The following MYOM3 variants were observed in gnomAD, a reference collection of about 807,000 sequenced individuals.
The protein encoded by MYOM3 is myomesin-3.
In MYOM3, 155 loss-of-function variants were observed where a neutral mutation model predicts 191.7. The observed-to-expected ratio is 0.81, with a 90% confidence interval of 0.71 to 0.92. The LOEUF (loss-of-function observed/expected upper bound fraction) is 0.92. MYOM3 is among the 40% of genes least tolerant of loss of function. The pLI, the probability that MYOM3 is intolerant of heterozygous loss-of-function variation, is 0.00. For missense variants in MYOM3, 1,889 were observed against 1,890.6 expected (o/e 1.00, Z 0.02); for synonymous variants, 757 against 762.9 (o/e 0.99, Z 0.13).
chr1:24,078,495 T>C (rs552746173), intron 20 of MYOM3, among the ~76,000 whole-genome samples: 160 of 152,312 alleles, frequency 1.1e-3, no homozygotes, highest in South Asian at 5.0e-3. Flanking sequence ...TGTTAGTATC[T>C]TATTCTTTGC....
chr1:24,084,513 G>A lies in MYOM3; in HGVS notation c.1925C>T (p.Thr642Ile). The A allele has an allele frequency of 1.2e-6, 2 of 1,614,184 alleles. No homozygotes were observed. Among genetic ancestry groups the A allele is most frequent in the South Asian group, 1.1e-5 (1 of 91,078 alleles). Reference protein sequence around the residue: ...GYYIYSRKVGTSEWQTVNNKP... With the variant: ...GYYIYSRKVGISEWQTVNNKP... The stretch of plus-strand genomic sequence containing the variant: ...GTTGTTAACTGTTTGCCACTCAGAT[G>A]TCCCCACCTTCCGGGAGTAGATGTA... The change falls in exon 16 of 37, where the codon ACA becomes ATA. Residue 642 changes from threonine to isoleucine, a missense_variant. Physicochemically the swap from Thr to Ile is moderately conservative, Grantham distance 89 (BLOSUM62 -1). Transcript: ENST00000374434.
rs533540445 is a variant in MYOM3, at chr1:24,065,613, G to A, written c.3534+278C>T. Among the ~76,000 whole-genome samples the A allele has an allele frequency of 7.9e-5, 12 of 152,318 alleles. No individual in the cohort carries two copies. In the South Asian group the frequency reaches 2.5e-3, roughly 32 times the overall value. On this transcript the variant is annotated intron_variant, in intron 29 of 36. Coordinates refer to ENST00000374434, the MANE Select transcript of MYOM3 (RefSeq NM_152372.4). ...ACAGTCATTGGCAGGGCCAGTACTGGAGCTAAAGAAAAAAATCAGTAATAC... is the reference window on the plus strand; with the variant it reads ...ACAGTCATTGGCAGGGCCAGTACTGAAGCTAAAGAAAAAAATCAGTAATAC...
rs1380007917 is a variant in MYOM3, at chr1:24,082,171, A to G, written c.2110T>C (p.Tyr704His). Residue 704 changes from tyrosine (Y) to histidine (H), a missense_variant, in exon 18 of 37, where the codon TAT becomes CAT. By Grantham distance (83) the Tyr-to-His change is moderately conservative (BLOSUM62 2). Coordinates refer to ENST00000374434, the MANE Select transcript of MYOM3 (RefSeq NM_152372.4). Reference protein sequence around the residue: ...KQALATPSAPYGFALLNCGKN... With the variant: ...KQALATPSAPHGFALLNCGKN... ...CCGCAGTTCAGGAGGGCAAAGCCAT[A>G]TGGGGCAGACGGGGTAGCTACAGGG... is the stretch of plus-strand genomic sequence containing the variant. The G allele has an allele frequency of 1.2e-6, 2 of 1,611,928 alleles. No homozygotes were observed. The highest frequency in any genetic ancestry group is 1.7e-6 in the Non-Finnish European group (2 of 1,179,044).
chr1:24,099,169 T>G (rs1376379096), intron 6 of MYOM3, among the ~76,000 whole-genome samples: 1 of 152,144 alleles, frequency 6.6e-6, no homozygotes, highest in African/African-American at 2.4e-5. Flanking sequence ...AAACCATGCT[T>G]AGGACGCACC....
chr1:24,073,898 A>AAG (rs1643562986), intron 23 of MYOM3, among the ~76,000 whole-genome samples: 1 of 151,384 alleles, frequency 6.6e-6, no homozygotes, highest in Non-Finnish European at 1.5e-5. Flanking sequence ...GGGAAAATAA[A>AAG]AGAGAGACCA....
chr1:24,066,189 T>C, intron 28 of MYOM3, 188 bp from the exon 29 acceptor site: 2 of 718,222 alleles, frequency 2.8e-6, no homozygotes, highest in East Asian at 5.4e-5. Flanking sequence ...CCTTACTCTA[T>C]TTTTCTTGGA....
At chr1:24,092,753 G>T (rs1044915600) in intron 10 of MYOM3, among the ~76,000 whole-genome samples, 194 bp downstream of exon 10, 1 of 152,134 alleles carries the variant, frequency 6.6e-6, no homozygotes, top group South Asian at 2.1e-4. Context: ...GCTAACTCTC[G>T]GGCCATGTCC....
At chr1:24,084,714 A>T in intron 15 of MYOM3, 75 bp from the exon 16 acceptor site, 1 of 1,391,214 alleles carries the variant, frequency 7.2e-7, no homozygotes. Context: ...GGGGAGGAGC[A>T]TGGGGAGAGG....
At chr1:24,067,284 CTTTCTTTCTTTCT>C in intron 27 of MYOM3, among the ~76,000 whole-genome samples, 196 bp from the exon 28 acceptor site, 1 of 58,732 alleles carries the variant, frequency 1.7e-5, no homozygotes, top group South Asian at 4.2e-4. Flanking sequence ...TTCTTCCTTC[CTTTCTTTCTTTCT>C]TTCTTTCCTT....
At chr1:24,095,249 G>A (rs1431204083) in intron 8 of MYOM3, among the ~76,000 whole-genome samples, 193 bp downstream of exon 8, 6 of 152,206 alleles carry the variant, frequency 3.9e-5, no homozygotes, top group Admixed American at 3.3e-4. Context: ...GAACAGCTCA[G>A]CAGCTGGGGA....
rs933117753 is a variant in MYOM3 at position 24,066,981 on chromosome 1, C to T, written c.3423+40G>A. The T allele has an allele frequency of 5.8e-6, 9 of 1,538,602 alleles. No homozygotes were observed. In the African/African-American group the frequency reaches 1.1e-4, roughly 19 times the overall value. On this transcript the variant is annotated intron_variant, in intron 28 of 36. Coordinates refer to ENST00000374434, the MANE Select transcript of MYOM3 (RefSeq NM_152372.4). ...GGGCTTGGGGACAAGCCACAGGTCC[C>T]CCTGCACTGGGCCTGGGGGCAGGGC...
chr1:24,077,079 G>A (rs1298491822), intron 20 of MYOM3, among the ~76,000 whole-genome samples: 4 of 151,972 alleles, frequency 2.6e-5, no homozygotes, highest in Non-Finnish European at 4.4e-5. Flanking sequence ...CCCCTTGGCC[G>A]CCGAAAGTGC....
chr1:24,061,229 G>A (rs781467557), intron 34 of MYOM3, 44 bp downstream of exon 34: 2 of 1,612,644 alleles, frequency 1.2e-6, no homozygotes, highest in Non-Finnish European at 1.7e-6. Flanking sequence ...GCCACACCCT[G>A]AAGGGGCCTA....
chr1:24,072,214 C>T (rs963692685), intron 23 of MYOM3, among the ~76,000 whole-genome samples: 3 of 152,166 alleles, frequency 2.0e-5, no homozygotes, highest in East Asian at 1.9e-4. Flanking sequence ...AGGGTGATGC[C>T]GGGGCTGCTG....
chr1:24,064,979 G>T (rs1643416345), intron 29 of MYOM3, among the ~76,000 whole-genome samples: 1 of 152,310 alleles, frequency 6.6e-6, no homozygotes, highest in East Asian at 1.9e-4. Context: ...AACACTCTGA[G>T]CCTCAGTTTA....
In MYOM3 at chr1:24,059,854, C is replaced by T. The variant is rs148251995; in HGVS notation, c.3995-875G>A. 9.8e-3 allele frequency among the ~76,000 whole-genome samples: 1,492 copies of T among 152,202 alleles called. 14 individuals are homozygous for T. Among genetic ancestry groups the T allele is most frequent in the Non-Finnish European group, 0.015 (1,027 of 68,004 alleles). ...GTGGGAACAGGACGGGTGGTCAGCA[C>T]GGCCTAGACCAGGGATCAGGGATGT... On this transcript the variant is annotated intron_variant, in intron 35 of 36. Coordinates refer to ENST00000374434, the MANE Select transcript of MYOM3 (RefSeq NM_152372.4).
intron 20 of MYOM3, among the ~76,000 whole-genome samples, 174 bp downstream of exon 20, chr1:24,079,838 ACCAG>A (rs1643645106): frequency 6.6e-6 from 1 of 152,162 alleles, no homozygotes; most frequent in Admixed American, 6.5e-5. Flanking sequence ...GGATATGGGC[ACCAG>A]CCAGCCAGAC....
chr1:24,091,095 C>T (rs1339850431), intron 11 of MYOM3, 99 bp from the exon 12 acceptor site: 6 of 1,341,016 alleles, frequency 4.5e-6, no homozygotes, highest in African/African-American at 1.5e-5. Context: ...GGGAGCCTGC[C>T]CAGCTCATCT....
At chr1:24,104,822 G>A (rs1185297343) in intron 5 of MYOM3, among the ~76,000 whole-genome samples, 1 of 152,192 alleles carries the variant, frequency 6.6e-6, no homozygotes, top group East Asian at 1.9e-4. Flanking sequence ...TGCTGGAGGT[G>A]GGCCTGGGCT....
Sources: allele counts gnomAD v4.1 joint callset (sites outside exome capture counted in the v4.1 genomes callset), GRCh38; gene constraint gnomAD v4.1.1; transcripts MANE v1.5; gene names NCBI Gene and HGNC (gene_info 2026-07-23, HGNC 2026-07-21).